FAM53B: variants seen among roughly 807,000 people sequenced by gnomAD.
The protein encoded by FAM53B is family with sequence similarity 53 member B.
Under a neutral mutation model 32.7 loss-of-function variants are expected in FAM53B, and 12 were observed. The observed-to-expected ratio is 0.37, with a 90% confidence interval of 0.24 to 0.59. The LOEUF is 0.59. Ranked by LOEUF, FAM53B falls within the 20% of genes least tolerant of loss-of-function variation. The pLI, the probability that FAM53B is intolerant of heterozygous loss-of-function variation, is 0.72. For synonymous variants in FAM53B, 234 were observed against 228.7 expected (o/e 1.02, Z -0.21); for missense variants, 477 against 577.7 (o/e 0.83, Z 1.79).
intron 1 of FAM53B, among the ~76,000 whole-genome samples, chr10:124,718,974 C>T (rs1950052412): frequency 6.6e-6 from 1 of 151,894 alleles, no homozygotes; most frequent in African/African-American, 2.4e-5. Flanking sequence ...AAGGTCAAGG[C>T]TGCAGTGAGC....
At chr10:124,697,549 G>C (rs1348230543) in intron 2 of FAM53B, among the ~76,000 whole-genome samples, 1 of 152,148 alleles carries the variant, frequency 6.6e-6, no homozygotes, top group African/African-American at 2.4e-5. Context: ...GGGTTACTAA[G>C]GGTCCATGCT....
chr10:124,629,273 C>G lies in FAM53B; in HGVS notation c.907-5669G>C, dbSNP rs550847365. On this transcript the variant is annotated intron_variant, in intron 4 of 4. Coordinates refer to ENST00000337318, the MANE Select transcript of FAM53B (RefSeq NM_014661.4). ...GCCCACATGAGGCTTCCTCTGGGCC[C>G]CTGCCTGCGCCAAGTCCGTCTCCCA... Among the ~76,000 whole-genome samples the G allele has an allele frequency of 1.1e-3, 173 of 152,304 alleles. 1 individual carries two copies. Among genetic ancestry groups the G allele is most frequent in the African/African-American group, 4.0e-3 (165 of 41,562 alleles).
intron 4 of FAM53B, among the ~76,000 whole-genome samples, chr10:124,627,595 G>C (rs556002347): frequency 6.6e-6 from 1 of 152,278 alleles, no homozygotes; most frequent in South Asian, 2.1e-4. Flanking sequence ...AGTGGGAACT[G>C]TCCCTATGGC....
intron 4 of FAM53B, among the ~76,000 whole-genome samples, chr10:124,650,559 ATTC>A (rs1367150254): frequency 6.6e-6 from 1 of 152,158 alleles, no homozygotes; most frequent in African/African-American, 2.4e-5. Flanking sequence ...GAGGCAAGTT[ATTC>A]TTCTCATCTC....
rs1331844448 is a variant in FAM53B at position 124,681,595 on chromosome 10, T to C, written c.906+12A>G. On this transcript the variant is annotated intron_variant, in intron 4 of 4. Coordinates refer to ENST00000337318, the MANE Select transcript of FAM53B (RefSeq NM_014661.4). ...GAGCACCAAGGTGACTCCAGGCTGC[T>C]GGGGCTCTTACCTGTGCCATCTTGG... 1 of 1,570,742 alleles carries C rather than the reference T, an allele frequency of 6.4e-7. No homozygotes were observed. The highest frequency in any genetic ancestry group is 8.7e-7 in the Non-Finnish European group (1 of 1,153,928).
rs190548016 is a variant in FAM53B, at chr10:124,690,061, A to C, written c.133+6097T>G. Among the ~76,000 whole-genome samples the C allele has an allele frequency of 2.4e-3, 362 of 152,368 alleles. 3 individuals carry two copies. The highest frequency in any genetic ancestry group is 8.4e-3 in the African/African-American group (348 of 41,594). ...CCTGATTGTGGGTGTGCACAGAGCA[A>C]GTGAAACGGGCAGCTGCTGGTGATG... is the stretch of plus-strand genomic sequence containing the variant. On this transcript the variant is annotated intron_variant, in intron 3 of 4. Coordinates refer to ENST00000337318, the MANE Select transcript of FAM53B (RefSeq NM_014661.4).
At chr10:124,656,696 A>G (rs1358131481) in intron 4 of FAM53B, among the ~76,000 whole-genome samples, 1 of 152,186 alleles carries the variant, frequency 6.6e-6, no homozygotes, top group Non-Finnish European at 1.5e-5. Flanking sequence ...CCACTGATGG[A>G]GTGTGTTCTG....
intron 4 of FAM53B, among the ~76,000 whole-genome samples, chr10:124,637,297 G>A (rs1377409017): frequency 1.3e-5 from 2 of 152,186 alleles, no homozygotes; most frequent in Non-Finnish European, 1.5e-5. Context: ...GGTCCAGGAC[G>A]TACCTGGCAG....
intron 3 of FAM53B, among the ~76,000 whole-genome samples, chr10:124,683,635 C>G (rs548963730): frequency 2.5e-4 from 38 of 152,266 alleles, no homozygotes; most frequent in Middle Eastern, 3.4e-3. Flanking sequence ...TAGCCCAAGG[C>G]CACACAGCTA....
chr10:124,730,298 T>G (rs941332545), intron 1 of FAM53B, among the ~76,000 whole-genome samples: 1 of 152,070 alleles, frequency 6.6e-6, no homozygotes, highest in African/African-American at 2.4e-5. Context: ...CAAACACACA[T>G]GGGGCACTGG....
chr10:124,694,923 A>G lies in FAM53B; in HGVS notation c.133+1235T>C, dbSNP rs867197401. Reference sequence around the variant, plus strand: ...ACAGTCTCCCTTCGTCACCCACCTGAGTCCAACTCCGCTTACTGAGGGACC... The same window carrying G: ...ACAGTCTCCCTTCGTCACCCACCTGGGTCCAACTCCGCTTACTGAGGGACC... On this transcript the variant is annotated intron_variant, in intron 3 of 4. Transcript: ENST00000337318. 2.6e-5 allele frequency among the ~76,000 whole-genome samples: 4 copies of G among 152,180 alleles called. No homozygotes were observed. In the East Asian group the frequency reaches 7.7e-4, roughly 29 times the overall value.
Position 124,715,243 on chromosome 10 carries a change from G to GT in FAM53B, c.-174-8357dup, listed in dbSNP as rs371138752. Among the ~76,000 whole-genome samples, 507 of 152,318 alleles carry GT rather than the reference G, an allele frequency of 3.3e-3. 1 individual carries two copies. Among genetic ancestry groups the GT allele is most frequent in the African/African-American group, 0.012 (492 of 41,560 alleles). Reference sequence around the variant, plus strand: ...CTGATGTTGAAACATGGTATTAGGGGTTCCACTGTAAGCAAGAAAAATGGG... The same window carrying GT: ...CTGATGTTGAAACATGGTATTAGGGGTTTCCACTGTAAGCAAGAAAAATGGG... On this transcript the variant is annotated intron_variant, in intron 1 of 4. Coordinates refer to ENST00000337318, the MANE Select transcript of FAM53B (RefSeq NM_014661.4).
At chr10:124,669,041 C>A (rs558833906) in intron 4 of FAM53B, among the ~76,000 whole-genome samples, 279 of 152,326 alleles carry the variant, frequency 1.8e-3, no homozygotes, top group African/African-American at 6.3e-3. Context: ...GGGGAAAGTG[C>A]AGGGCTGGCT....
intron 4 of FAM53B, among the ~76,000 whole-genome samples, chr10:124,660,520 T>C (rs1949624394): frequency 6.6e-6 from 1 of 152,158 alleles, no homozygotes. Context: ...CACAGCCCCC[T>C]CGCCAGCATG....
intron 4 of FAM53B, among the ~76,000 whole-genome samples, chr10:124,676,922 G>C (rs893471961): frequency 1.3e-5 from 2 of 152,132 alleles, no homozygotes; most frequent in African/African-American, 4.8e-5. Flanking sequence ...GCCTGCTCAG[G>C]GAGGTTCGGG....
Position 124,681,791 on chromosome 10 carries a change from T to C in FAM53B, c.722A>G (p.Tyr241Cys), listed in dbSNP as rs771291991. 3 of 1,609,470 alleles carry C rather than the reference T, an allele frequency of 1.9e-6. No individual in the cohort carries two copies. The highest frequency in any genetic ancestry group is 2.2e-5 in the East Asian group (1 of 44,714). ...TGTGCTGTTGGCTGAGGGAGGACAG[T>C]ATTCCACAAAGGAAAACTGCTCATG... ...CSHEQFSFVE[Y>C]CPPSANSTPA... The change falls in exon 4 of 5, where the codon TAC becomes TGC. Residue 241 changes from tyrosine to cysteine, a missense_variant. Physicochemically the swap from Tyr to Cys is radical, Grantham distance 194 (BLOSUM62 -2). Coordinates refer to ENST00000337318, the MANE Select transcript of FAM53B (RefSeq NM_014661.4).
At chr10:124,660,489 G>A (rs192371198) in intron 4 of FAM53B, among the ~76,000 whole-genome samples, 10 of 152,242 alleles carry the variant, frequency 6.6e-5, no homozygotes, top group Admixed American at 2.0e-4. Flanking sequence ...CAAGCTTCAC[G>A]AGCACTAAGT....
At chr10:124,659,345 C>A (rs1452583306) in intron 4 of FAM53B, among the ~76,000 whole-genome samples, 1 of 152,246 alleles carries the variant, frequency 6.6e-6, no homozygotes, top group Non-Finnish European at 1.5e-5. Flanking sequence ...TGATCAGCAG[C>A]TTTTCCTCCT....
chr10:124,724,693 T>A (rs1413378741), intron 1 of FAM53B, among the ~76,000 whole-genome samples: 1 of 151,972 alleles, frequency 6.6e-6, no homozygotes, highest in African/African-American at 2.4e-5. Context: ...GTTATTTCCA[T>A]CCCCCAATAT....
Sources: gnomAD v4.1 joint callset for allele counts (sites outside exome capture counted in the v4.1 genomes callset) on GRCh38, gnomAD v4.1.1 for gene constraint, MANE v1.5 for transcripts, NCBI Gene and HGNC (gene_info 2026-07-23, HGNC 2026-07-21) for gene names.